Variants in SPAG6 observed in about 807,000 individuals in gnomAD.
SPAG6 encodes sperm associated antigen 6.
SPAG6 carries 49 observed loss-of-function variants against 58.5 expected under a neutral mutation model. The ratio of observed to expected loss-of-function variants is 0.84; its 90% CI spans 0.67 to 1.06. The LOEUF (loss-of-function observed/expected upper bound fraction) is 1.06. Ranked by LOEUF, SPAG6 falls within the 50% of genes least tolerant of loss-of-function variation. The pLI, the probability that SPAG6 is intolerant of heterozygous loss-of-function variation, is 0.00. For missense variants in SPAG6, 560 were observed against 611.3 expected (o/e 0.92, Z 0.89); for synonymous variants, 233 against 225.6 (o/e 1.03, Z -0.29).
chr10:22,416,605 A>G lies in SPAG6; in HGVS notation c.1461-14A>G. 1.9e-6 allele frequency: 3 copies of G among 1,553,298 alleles called. No individual in the cohort carries two copies. Among genetic ancestry groups the G allele is most frequent in the Non-Finnish European group, 2.7e-6 (3 of 1,125,456 alleles). ...TCGTTTCACCAGCATTTAATAGTGT[A>G]TTTTCTTTTTCAGGTATTATTCCCC... On this transcript the variant is annotated splice_polypyrimidine_tract_variant and intron_variant, in intron 10 of 10. Coordinates refer to ENST00000376624, the MANE Select transcript of SPAG6 (RefSeq NM_012443.4).
intron 10 of SPAG6, among the ~76,000 whole-genome samples, chr10:22,414,600 T>C (rs942854617): frequency 6.6e-6 from 1 of 152,218 alleles, no homozygotes; most frequent in African/African-American, 2.4e-5. Context: ...ATGTGGCTAC[T>C]GAGGACTAGA....
chr10:22,408,881 T>C (rs1834638213), intron 9 of SPAG6, among the ~76,000 whole-genome samples: 1 of 152,216 alleles, frequency 6.6e-6, no homozygotes, highest in Non-Finnish European at 1.5e-5. Context: ...AGTATTTGGG[T>C]GGGAGTGACC....
intron 9 of SPAG6, among the ~76,000 whole-genome samples, chr10:22,406,011 A>G (rs968617097): frequency 1.3e-5 from 2 of 152,042 alleles, no homozygotes; most frequent in East Asian, 3.8e-4. Context: ...TATTGCGTCT[A>G]TCTGATTCTT....
intron 9 of SPAG6, among the ~76,000 whole-genome samples, chr10:22,405,526 G>A (rs1319130308): frequency 3.3e-5 from 5 of 149,586 alleles, no homozygotes; most frequent in African/African-American, 9.9e-5. Context: ...ATGTGCTGCT[G>A]GATTCGGTTT....
In SPAG6 at chr10:22,386,904, C is replaced by A; in HGVS notation, c.623C>A (p.Ala208Glu). 1 of 1,613,770 alleles carries A rather than the reference C, an allele frequency of 6.2e-7. No individual in the cohort carries two copies. Among genetic ancestry groups the A allele is most frequent in the Non-Finnish European group, 8.5e-7 (1 of 1,179,762 alleles). The change falls in exon 5 of 11, where the codon GCA becomes GAA. Residue 208 changes from alanine to glutamate, a missense_variant. Physicochemically the swap from Ala to Glu is moderately radical, Grantham distance 107 (BLOSUM62 -1). Transcript: ENST00000376624. ...SPELAQTVVD[A>E]GAVAHLAQMI... ...GAGTTAGCACAGACAGTAGTGGATG[C>A]AGGAGCTGTTGCTCATTTAGCCCAG...
At chr10:22,405,061 A>T (rs543315228) in intron 9 of SPAG6, among the ~76,000 whole-genome samples, 13 of 152,342 alleles carry the variant, frequency 8.5e-5, no homozygotes, top group African/African-American at 3.1e-4. Flanking sequence ...TTTTCTAGAT[A>T]TACAATCATG....
At chr10:22,368,418 G>T in intron 3 of SPAG6, 77 bp from the exon 4 acceptor site, 1 of 1,058,520 alleles carries the variant, frequency 9.4e-7, no homozygotes. Context: ...TTATTTTTAT[G>T]TAGTTTTGGT....
chr10:22,383,764 C>T (rs781604455), intron 4 of SPAG6, among the ~76,000 whole-genome samples: 1 of 152,148 alleles, frequency 6.6e-6, no homozygotes, highest in Non-Finnish European at 1.5e-5. Context: ...GACCTGATTC[C>T]TGGCTCTGCT....
chr10:22,416,252 T>C (rs901395545), intron 10 of SPAG6, among the ~76,000 whole-genome samples: 1 of 151,840 alleles, frequency 6.6e-6, no homozygotes, highest in Admixed American at 6.6e-5. Context: ...GTCTAACTTA[T>C]GAAAAAAAAA....
chr10:22,363,711 G>C (rs1030295514), intron 2 of SPAG6, among the ~76,000 whole-genome samples: 1 of 152,072 alleles, frequency 6.6e-6, no homozygotes, highest in African/African-American at 2.4e-5. Flanking sequence ...CAAGTGTTTA[G>C]GTGTTATTGT....
intron 2 of SPAG6, among the ~76,000 whole-genome samples, chr10:22,363,978 T>C (rs1458372797): frequency 2.0e-5 from 3 of 152,210 alleles, no homozygotes; most frequent in Non-Finnish European, 4.4e-5. Flanking sequence ...GTCGACTCTT[T>C]TGCAGAATTT....
intron 2 of SPAG6, among the ~76,000 whole-genome samples, chr10:22,349,983 C>A (rs909733815): frequency 6.6e-6 from 1 of 152,142 alleles, no homozygotes; most frequent in East Asian, 1.9e-4. Flanking sequence ...TTAAGACATA[C>A]CTTGATATGT....
At chr10:22,379,387 G>A (rs1588653823) in intron 4 of SPAG6, among the ~76,000 whole-genome samples, 1 of 152,182 alleles carries the variant, frequency 6.6e-6, no homozygotes. Context: ...GCAATGCTAT[G>A]CCACGTCCAG....
At chr10:22,392,094 G>A (rs1834196504) in intron 8 of SPAG6, among the ~76,000 whole-genome samples, 174 bp downstream of exon 8, 1 of 152,096 alleles carries the variant, frequency 6.6e-6, no homozygotes, top group Non-Finnish European at 1.5e-5. Context: ...AAAAATCAGT[G>A]ATATATTTTA....
At chr10:22,381,756 A>G (rs1179428597) in intron 4 of SPAG6, among the ~76,000 whole-genome samples, 6 of 152,160 alleles carry the variant, frequency 3.9e-5, no homozygotes, top group African/African-American at 1.2e-4. Flanking sequence ...TCCAGTCAAC[A>G]TAGAGTTATT....
chr10:22,410,957 C>T (rs746315510), intron 9 of SPAG6, 74 bp from the exon 10 acceptor site: 9 of 1,441,018 alleles, frequency 6.2e-6, no homozygotes, highest in Non-Finnish European at 9.4e-7. Flanking sequence ...TTCTCACATA[C>T]AGTATTGCTT....
intron 2 of SPAG6, among the ~76,000 whole-genome samples, chr10:22,352,300 T>G (rs1836750640): frequency 6.6e-6 from 1 of 152,194 alleles, no homozygotes; most frequent in African/African-American, 2.4e-5. Context: ...GAATCACTAT[T>G]AAAGTATATT....
In SPAG6 at chr10:22,368,577, G is replaced by T; in HGVS notation, c.371G>T (p.Cys124Phe). 6.2e-7 allele frequency: 1 copy of T among 1,614,006 alleles called. No individual in the cohort carries two copies. The highest frequency in any genetic ancestry group is 8.5e-7 in the Non-Finnish European group (1 of 1,179,956). The change falls in exon 4 of 11, where the codon TGT (cysteine) becomes TTT (phenylalanine). Residue 124 changes from cysteine to phenylalanine, a missense_variant. Physicochemically the swap from Cys to Phe is radical, Grantham distance 205 (BLOSUM62 -2). Coordinates refer to ENST00000376624, the MANE Select transcript of SPAG6 (RefSeq NM_012443.4). ...CAGCTAGCTCAGGCAATAGTCGATT[G>T]TGGAGCACTGGATACGCTGGTCATA... The part of the protein sequence containing the change: ...SPQLAQAIVD[C>F]GALDTLVICL...
In SPAG6 at chr10:22,363,216, A is replaced by T. The variant is rs148551886; in HGVS notation, c.122-1637A>T. ...GAAACCAACAACAATGAATCAACTA[A>T]TAAAGCAAATTACAAAGAGATGGAC... On this transcript the variant is annotated intron_variant, in intron 2 of 10. Transcript: ENST00000376624. Among the ~76,000 whole-genome samples, 1,091 of 152,348 alleles carry T rather than the reference A, an allele frequency of 7.2e-3. 4 individuals are homozygous for T. The highest frequency in any genetic ancestry group is 0.011 in the Admixed American group (167 of 15,304).
Sources: gnomAD v4.1 joint callset for allele counts (sites outside exome capture counted in the v4.1 genomes callset) on GRCh38, gnomAD v4.1.1 for gene constraint, MANE v1.5 for transcripts, NCBI Gene and HGNC (gene_info 2026-07-23, HGNC 2026-07-21) for gene names.